The following GRIK2 variants were observed in gnomAD, a reference collection of about 807,000 sequenced individuals.
GRIK2 encodes glutamate receptor ionotropic, kainate 2.
A neutral mutation model predicts 100.3 loss-of-function variants in GRIK2; 32 were observed. The ratio of observed to expected loss-of-function variants is 0.32; its 90% CI spans 0.24 to 0.43. GRIK2 has a LOEUF of 0.43. Ranked by LOEUF, GRIK2 falls within the 20% of genes least tolerant of loss-of-function variation. The pLI is 1.00. For missense variants in GRIK2, 843 were observed against 1,114.9 expected (o/e 0.76, Z 3.47); for synonymous variants, 417 against 389.4 (o/e 1.07, Z -0.83).
chr6:101,673,594 T>G (rs1390795612), intron 4 of GRIK2, among the ~76,000 whole-genome samples: 2 of 152,186 alleles, frequency 1.3e-5, no homozygotes, highest in African/African-American at 4.8e-5. Flanking sequence ...ATATAAAAAC[T>G]GTTTATTCTT....
chr6:101,484,657 T>C (rs1772721193), intron 2 of GRIK2, among the ~76,000 whole-genome samples: 1 of 151,982 alleles, frequency 6.6e-6, no homozygotes, highest in Non-Finnish European at 1.5e-5. Flanking sequence ...GAAGCAACCA[T>C]CTCAAAGGCA....
intron 7 of GRIK2, among the ~76,000 whole-genome samples, chr6:101,788,799 A>G (rs1779616337): frequency 6.6e-6 from 1 of 152,240 alleles, no homozygotes; most frequent in Non-Finnish European, 1.5e-5. Context: ...GACTTCCACA[A>G]TGGTTGAACT....
chr6:102,000,112 T>C (rs1332931221), intron 14 of GRIK2, among the ~76,000 whole-genome samples: 1 of 152,080 alleles, frequency 6.6e-6, no homozygotes. Flanking sequence ...AGTTTGCTTC[T>C]GTTGTTTGCT....
intron 2 of GRIK2, among the ~76,000 whole-genome samples, chr6:101,541,952 CA>C (rs1776019577): frequency 6.6e-6 from 1 of 151,896 alleles, no homozygotes; most frequent in South Asian, 2.1e-4. Flanking sequence ...ATCATAAAGA[CA>C]ATATAAATTA....
intron 12 of GRIK2, among the ~76,000 whole-genome samples, chr6:101,904,369 T>G (rs539276433): frequency 4.2e-4 from 63 of 151,556 alleles, no homozygotes; most frequent in Non-Finnish European, 5.8e-4. Flanking sequence ...AATTTGAAGT[T>G]TTTAAAAAAA....
At chr6:101,912,139 A>G (rs1788756934) in intron 12 of GRIK2, among the ~76,000 whole-genome samples, 1 of 150,792 alleles carries the variant, frequency 6.6e-6, no homozygotes, top group Non-Finnish European at 1.5e-5. Flanking sequence ...AATCAGCACT[A>G]TAGACAAGAC....
At chr6:101,589,741 GA>G (rs1282481922) in intron 2 of GRIK2, among the ~76,000 whole-genome samples, 19 of 152,058 alleles carry the variant, frequency 1.2e-4, no homozygotes, top group African/African-American at 4.6e-4. Context: ...GCTCATGACT[GA>G]GATTTGGACA....
chr6:101,545,404 A>T (rs1370664558), intron 2 of GRIK2, among the ~76,000 whole-genome samples: 1 of 152,188 alleles, frequency 6.6e-6, no homozygotes, highest in Non-Finnish European at 1.5e-5. Context: ...GAGTCATCTA[A>T]AGTAGCTTAT....
chr6:101,501,910 A>AC (rs1490612835), intron 2 of GRIK2, among the ~76,000 whole-genome samples: 1 of 152,064 alleles, frequency 6.6e-6, no homozygotes, highest in Non-Finnish European at 1.5e-5. Context: ...GATGTGTGCC[A>AC]CCATGCCCTG....
intron 2 of GRIK2, among the ~76,000 whole-genome samples, chr6:101,478,971 G>T (rs2749066): frequency 1.6e-4 from 25 of 151,888 alleles, no homozygotes; most frequent in Non-Finnish European, 3.2e-4. Flanking sequence ...TCATGCTGAT[G>T]GTAGCTACAA....
chr6:101,727,422 A>G (rs963110646), intron 7 of GRIK2, among the ~76,000 whole-genome samples: 3 of 152,092 alleles, frequency 2.0e-5, no homozygotes, highest in Non-Finnish European at 4.4e-5. Flanking sequence ...ATTGGAGGGC[A>G]TAGAAACCTC....
At chr6:101,733,211 C>G (rs1311072892) in intron 7 of GRIK2, among the ~76,000 whole-genome samples, 4 of 152,092 alleles carry the variant, frequency 2.6e-5, no homozygotes, top group Non-Finnish European at 4.4e-5. Flanking sequence ...CATCTAAATA[C>G]TATCTAAATC....
At chr6:101,964,013 G>A (rs1792497571) in intron 14 of GRIK2, among the ~76,000 whole-genome samples, 1 of 151,568 alleles carries the variant, frequency 6.6e-6, no homozygotes, top group Non-Finnish European at 1.5e-5. Context: ...TATGGGTTAA[G>A]GTTCAAATTA....
chr6:101,593,409 G>T (rs1338577811), intron 2 of GRIK2, among the ~76,000 whole-genome samples: 1 of 151,776 alleles, frequency 6.6e-6, no homozygotes, highest in Non-Finnish European at 1.5e-5. Flanking sequence ...GATTTCTGTA[G>T]TTATTTATAT....
At chr6:101,537,017 C>T (rs1242406397) in intron 2 of GRIK2, among the ~76,000 whole-genome samples, 1 of 150,784 alleles carries the variant, frequency 6.6e-6, no homozygotes, top group East Asian at 1.9e-4. Context: ...GGTCAAAATA[C>T]TTTGAGGTAT....
intron 7 of GRIK2, among the ~76,000 whole-genome samples, chr6:101,721,785 A>G (rs1437300174): frequency 1.3e-5 from 2 of 151,916 alleles, no homozygotes; most frequent in Non-Finnish European, 2.9e-5. Flanking sequence ...ATTCTGACAT[A>G]CTTACATGGA....
At chr6:101,794,641 T>A (rs1414786139) in intron 7 of GRIK2, among the ~76,000 whole-genome samples, 1 of 151,636 alleles carries the variant, frequency 6.6e-6, no homozygotes, top group African/African-American at 2.4e-5. Context: ...TTTTTTTTTC[T>A]TTGTATTGTT....
chr6:101,494,973 A>ATATATATATATATATATATATATGCATT (rs1773352783), intron 2 of GRIK2, among the ~76,000 whole-genome samples: 1 of 105,094 alleles, frequency 9.5e-6, no homozygotes, highest in African/African-American at 4.7e-5. Flanking sequence ...ATATGCATTT[A>ATATATATATATATATATATATATGCATT]TATATATATA....
chr6:101,408,467 T>C (rs1244398515), intron 2 of GRIK2, among the ~76,000 whole-genome samples: 2 of 151,936 alleles, frequency 1.3e-5, no homozygotes, highest in Non-Finnish European at 2.9e-5. Context: ...TGCTAAGAAG[T>C]CCTAAGATCT....
Sources: allele counts gnomAD v4.1 joint callset (sites outside exome capture counted in the v4.1 genomes callset), GRCh38; gene constraint gnomAD v4.1.1; transcripts MANE v1.5; gene names NCBI Gene and HGNC (gene_info 2026-07-23, HGNC 2026-07-21).